Variants in SCOC observed in about 807,000 individuals in gnomAD.
SCOC encodes the protein short coiled coil protein.
SCOC carries 7 observed loss-of-function variants against 9.9 expected under a neutral mutation model. That is an observed-to-expected ratio of 0.71 (90% CI 0.40 to 1.33). The LOEUF is 1.33. Among genes scored for constraint, SCOC ranks in the 40% most tolerant of loss-of-function variants. The probability of loss-of-function intolerance (pLI) is 0.01; values close to 1 mark genes in which losing one functional copy is unlikely to be tolerated. For missense variants in SCOC, 66 were observed against 89.7 expected (o/e 0.74, Z 1.07); for synonymous variants, 19 against 28.2 (o/e 0.67, Z 1.03).
intron 1 of SCOC, among the ~76,000 whole-genome samples, chr4:140,301,399 A>G (rs925415675): frequency 4.0e-5 from 6 of 149,432 alleles, no homozygotes; most frequent in African/African-American, 1.5e-4. Context: ...TATTCATAAG[A>G]TGTACAAATA....
At chr4:140,345,776 A>G (rs1726711878) in intron 2 of SCOC, among the ~76,000 whole-genome samples, 1 of 152,194 alleles carries the variant, frequency 6.6e-6, no homozygotes, top group Non-Finnish European at 1.5e-5. Context: ...GGAGGCCCAG[A>G]GAGTCTAAAT....
chr4:140,357,809 G>A (rs577073809), intron 2 of SCOC, among the ~76,000 whole-genome samples: 8 of 152,120 alleles, frequency 5.3e-5, no homozygotes, highest in Non-Finnish European at 7.4e-5. Context: ...TATTATTTTC[G>A]TCATTCTAAT....
In SCOC at chr4:140,381,013, C is replaced by A; in HGVS notation, c.158C>A (p.Ser53Ter). 1 of 1,605,428 alleles carries A rather than the reference C, an allele frequency of 6.2e-7. No homozygotes were observed. The highest frequency in any genetic ancestry group is 1.1e-5 in the South Asian group (1 of 89,376). Residue 53 changes from serine to a stop codon, truncating the protein, a stop_gained, in exon 4 of 4, where the codon TCA (serine) becomes TAA (stop). Transcript: ENST00000608372. LOFTEE classifies it high-confidence loss of function. ...AVKEENLKLK[S>*]ENQVLGQYIE... Reference sequence around the variant, plus strand: ...AAGGAAGAAAATCTGAAGCTAAAATCAGAAAACCAAGTTCTTGGACAATAT... The same window carrying A: ...AAGGAAGAAAATCTGAAGCTAAAATAAGAAAACCAAGTTCTTGGACAATAT...
chr4:140,379,143 TC>T lies in SCOC; in HGVS notation c.-26del. 1.9e-6 allele frequency: 3 copies of T among 1,607,916 alleles called. No individual in the cohort carries two copies. The highest frequency in any genetic ancestry group is 2.6e-6 in the Non-Finnish European group (3 of 1,174,600). ...TAGACCATTCCTCAAGAATTTTGTA[TC>T]CAAGGCCCAAAAGTTTGTTACCCAA... is the stretch of plus-strand genomic sequence containing the variant. On this transcript the variant is annotated 5_prime_UTR_variant, in exon 2 of 4. Transcript: ENST00000608372.
chr4:140,377,549 T>C (rs2126596938), intron 1 of SCOC, among the ~76,000 whole-genome samples: 1 of 152,322 alleles, frequency 6.6e-6, no homozygotes, highest in South Asian at 2.1e-4. Context: ...ATACAAGGGA[T>C]ATTTCATATT....
intron 1 of SCOC, among the ~76,000 whole-genome samples, chr4:140,272,749 C>T (rs1016776448): frequency 5.3e-5 from 8 of 151,856 alleles, no homozygotes; most frequent in African/African-American, 1.7e-4. Context: ...ACTTTTAATA[C>T]GGGAAGTGGA....
intron 1 of SCOC, among the ~76,000 whole-genome samples, chr4:140,375,167 C>T (rs1728289340): frequency 6.6e-6 from 1 of 152,202 alleles, no homozygotes; most frequent in Non-Finnish European, 1.5e-5. Flanking sequence ...CTGTGGTCTT[C>T]AGTAAGCCAT....
chr4:140,377,034 G>A (rs551665008), intron 1 of SCOC, among the ~76,000 whole-genome samples: 2 of 152,256 alleles, frequency 1.3e-5, no homozygotes, highest in African/African-American at 4.8e-5. Flanking sequence ...TTATTATTTA[G>A]CAAAGACAGA....
At chr4:140,376,248 G>A (rs1045011668) in intron 1 of SCOC, among the ~76,000 whole-genome samples, 10 of 152,160 alleles carry the variant, frequency 6.6e-5, no homozygotes, top group African/African-American at 2.4e-4. Context: ...GATCCCATAT[G>A]TCAAACAAAT....
chr4:140,294,664 A>G (rs1329083197), intron 1 of SCOC, among the ~76,000 whole-genome samples: 3 of 152,210 alleles, frequency 2.0e-5, no homozygotes, highest in Non-Finnish European at 4.4e-5. Context: ...CTCTAGGCCC[A>G]CATCTGGCCA....
intron 1 of SCOC, among the ~76,000 whole-genome samples, chr4:140,308,082 T>C (rs1732043637): frequency 6.6e-6 from 1 of 152,194 alleles, no homozygotes; most frequent in South Asian, 2.1e-4. Context: ...TGCAGGCAGA[T>C]CATTGCTTTC....
intron 1 of SCOC, among the ~76,000 whole-genome samples, chr4:140,295,930 C>CAA (rs1203213131): frequency 0.11 from 5,590 of 52,488 alleles, 352 homozygotes; most frequent in East Asian, 0.28. Flanking sequence ...GACTCCGTCT[C>CAA]AAAAAAAAAA....
intron 1 of SCOC, among the ~76,000 whole-genome samples, chr4:140,294,826 C>T (rs1425785338): frequency 6.6e-6 from 1 of 152,182 alleles, no homozygotes; most frequent in South Asian, 2.1e-4. Context: ...TTTCTGCTGA[C>T]CTGGAAACAG....
At chr4:140,359,998 A>C (rs1456647082) in intron 2 of SCOC, among the ~76,000 whole-genome samples, 4 of 152,160 alleles carry the variant, frequency 2.6e-5, no homozygotes, top group Non-Finnish European at 5.9e-5. Flanking sequence ...GTGAGGCTTC[A>C]GGCAAGCCAC....
At chr4:140,334,058 C>T (rs1459605645) in intron 1 of SCOC, among the ~76,000 whole-genome samples, 3 of 152,078 alleles carry the variant, frequency 2.0e-5, no homozygotes, top group African/African-American at 7.2e-5. Context: ...GCTGGGACTA[C>T]AGGCATGCCA....
intron 1 of SCOC, among the ~76,000 whole-genome samples, chr4:140,319,768 C>A (rs1486396674): frequency 1.3e-5 from 2 of 151,532 alleles, no homozygotes; most frequent in Non-Finnish European, 2.9e-5. Context: ...AAAAAAAAAA[C>A]TAAACTACAA....
At chr4:140,313,166 A>T (rs922339426) in intron 1 of SCOC, among the ~76,000 whole-genome samples, 1 of 152,240 alleles carries the variant, frequency 6.6e-6, no homozygotes, top group African/African-American at 2.4e-5. Flanking sequence ...TTTGCCATAC[A>T]TTGTACTTCC....
At chr4:140,313,615 T>C (rs1732219772) in intron 1 of SCOC, among the ~76,000 whole-genome samples, 2 of 152,172 alleles carry the variant, frequency 1.3e-5, no homozygotes, top group Admixed American at 1.3e-4. Flanking sequence ...AGAAAATTGA[T>C]ATCTTTTATT....
intron 2 of SCOC, among the ~76,000 whole-genome samples, chr4:140,356,345 G>A (rs187827383): frequency 9.9e-5 from 15 of 152,176 alleles, no homozygotes; most frequent in East Asian, 1.9e-4. Flanking sequence ...TTTCTCCTTC[G>A]TAACCACAAC....
Sources: allele counts gnomAD v4.1 joint callset (sites outside exome capture counted in the v4.1 genomes callset), GRCh38; gene constraint gnomAD v4.1.1; transcripts MANE v1.5; gene names NCBI Gene and HGNC (gene_info 2026-07-23, HGNC 2026-07-21).